Variants in ELOVL5 observed in about 807,000 individuals in gnomAD.
ELOVL5 encodes the protein ELOVL fatty acid elongase 5.
A neutral mutation model predicts 38.6 loss-of-function variants in ELOVL5; 8 were observed. That is an observed-to-expected ratio of 0.21 (90% CI 0.12 to 0.37). ELOVL5 has a LOEUF of 0.37. ELOVL5 is among the 10% of genes least tolerant of loss of function. The probability of loss-of-function intolerance (pLI) is 1.00; values close to 1 mark genes in which losing one functional copy is unlikely to be tolerated. For missense variants in ELOVL5, 280 were observed against 367.8 expected, an observed-to-expected ratio of 0.76 and a Z score of 1.95; for synonymous variants, 127 against 133.7, an observed-to-expected ratio of 0.95 and a Z score of 0.34.
intron 3 of ELOVL5, among the ~76,000 whole-genome samples, chr6:53,277,233 G>A (rs993643750): frequency 6.6e-6 from 1 of 151,800 alleles, no homozygotes. Context: ...GCAAAAAATG[G>A]GTGTAGCCGC....
At chr6:53,283,543 G>T (rs1029147547) in intron 3 of ELOVL5, among the ~76,000 whole-genome samples, 2 of 152,122 alleles carry the variant, frequency 1.3e-5, no homozygotes. Flanking sequence ...TATATCACTG[G>T]GGGGGACAAT....
intron 1 of ELOVL5, among the ~76,000 whole-genome samples, chr6:53,301,478 C>A (rs527990416): frequency 1.3e-5 from 2 of 152,226 alleles, no homozygotes; most frequent in African/African-American, 4.8e-5. Context: ...CTGGGAGTGG[C>A]CAGCACTTCC....
At chr6:53,313,757 C>T (rs1426020627) in intron 1 of ELOVL5, among the ~76,000 whole-genome samples, 1 of 152,194 alleles carries the variant, frequency 6.6e-6, no homozygotes, top group African/African-American at 2.4e-5. Context: ...ACTGTGCTTT[C>T]TTCCATCTTT....
chr6:53,281,354 A>C (rs1766344174), intron 3 of ELOVL5, among the ~76,000 whole-genome samples: 1 of 152,192 alleles, frequency 6.6e-6, no homozygotes, highest in Non-Finnish European at 1.5e-5. Context: ...GTGAGTCCTC[A>C]ACTGTGTATT....
At chr6:53,300,680 G>A (rs1767215101) in intron 1 of ELOVL5, among the ~76,000 whole-genome samples, 2 of 152,078 alleles carry the variant, frequency 1.3e-5, no homozygotes, top group Non-Finnish European at 1.5e-5. Flanking sequence ...GCATGCACAA[G>A]GACCAGAAGC....
chr6:53,326,064 G>A lies in ELOVL5; in HGVS notation c.-9+22753C>T, dbSNP rs149013437. 1.2e-3 allele frequency among the ~76,000 whole-genome samples: 180 copies of A among 152,286 alleles called. 2 individuals are homozygous for A. In the East Asian group the frequency reaches 0.019, roughly 16 times the overall value. ...ACAATGGTTGGTGGATAATTCAAGC[G>A]AAGGCACAGCATGAAGAGATATAGA... is the stretch of plus-strand genomic sequence containing the variant. On this transcript the variant is annotated intron_variant, in intron 1 of 7. Coordinates refer to ENST00000304434, the MANE Select transcript of ELOVL5 (RefSeq NM_021814.5).
intron 3 of ELOVL5, among the ~76,000 whole-genome samples, chr6:53,288,813 C>T (rs1766666494): frequency 6.6e-6 from 1 of 152,176 alleles, no homozygotes; most frequent in Admixed American, 6.5e-5. Context: ...TGTCTGTAAT[C>T]TCAGCACTTT....
chr6:53,289,184 A>C (rs1766682262), intron 3 of ELOVL5, among the ~76,000 whole-genome samples: 1 of 152,248 alleles, frequency 6.6e-6, no homozygotes, highest in South Asian at 2.1e-4. Context: ...AATACCAAAG[A>C]CTACTTATTT....
At chr6:53,298,905 G>GGT (rs1648609304) in intron 1 of ELOVL5, among the ~76,000 whole-genome samples, 3 of 149,602 alleles carry the variant, frequency 2.0e-5, no homozygotes, top group Admixed American at 6.7e-5. Flanking sequence ...CAAGGCGGGG[G>GGT]GGGGGAGTTG....
intron 1 of ELOVL5, among the ~76,000 whole-genome samples, chr6:53,315,984 T>C (rs1419838880): frequency 6.6e-6 from 1 of 152,222 alleles, no homozygotes; most frequent in Non-Finnish European, 1.5e-5. Context: ...TTGGGCAAGC[T>C]GCTAAAACTA....
intron 1 of ELOVL5, among the ~76,000 whole-genome samples, chr6:53,305,223 C>A (rs1209698988): frequency 6.7e-6 from 1 of 149,722 alleles, no homozygotes; most frequent in African/African-American, 2.5e-5. Flanking sequence ...ACCTCCCTCC[C>A]GGACGGGGCG....
chr6:53,329,384 T>C (rs1483343269), intron 1 of ELOVL5, among the ~76,000 whole-genome samples: 1 of 152,198 alleles, frequency 6.6e-6, no homozygotes, highest in African/African-American at 2.4e-5. Context: ...CAATTTAAAA[T>C]TGGTTTCTAA....
At chr6:53,294,609 A>ATTG (rs1219504064) in intron 2 of ELOVL5, 1 of 1,365,780 alleles carries the variant, frequency 7.3e-7, no homozygotes, top group Non-Finnish European at 9.6e-7. Flanking sequence ...TATTATTATT[A>ATTG]TTTTAGCCAT....
intron 1 of ELOVL5, among the ~76,000 whole-genome samples, chr6:53,347,274 T>C (rs1308483154): frequency 6.6e-6 from 1 of 152,126 alleles, no homozygotes; most frequent in Non-Finnish European, 1.5e-5. Flanking sequence ...AGTTAGAATC[T>C]AGGGTAAAAA....
Position 53,297,309 on chromosome 6 carries a change from A to G in ELOVL5, c.-8-1602T>C, listed in dbSNP as rs150651959. The stretch of plus-strand genomic sequence containing the variant: ...ATACAGTAGTCCCCTCTTAATCCAC[A>G]GTTTTGCTTTCTGAGATTTCAATTA... On this transcript the variant is annotated intron_variant, in intron 1 of 7. Transcript: ENST00000304434. Among the ~76,000 whole-genome samples the G allele has an allele frequency of 1.1e-3, 165 of 152,334 alleles. 3 individuals are homozygous for G. The highest frequency in any genetic ancestry group is 3.9e-3 in the African/African-American group (163 of 41,574).
At chr6:53,326,602 A>C (rs145902353) in intron 1 of ELOVL5, among the ~76,000 whole-genome samples, 36 of 152,230 alleles carry the variant, frequency 2.4e-4, no homozygotes, top group Non-Finnish European at 4.6e-4. Flanking sequence ...ATCTTCCCTG[A>C]TTCCTCCCGC....
At chr6:53,295,057 G>A (rs1236379116) in intron 2 of ELOVL5, among the ~76,000 whole-genome samples, 2 of 152,174 alleles carry the variant, frequency 1.3e-5, no homozygotes, top group African/African-American at 4.8e-5. Context: ...TAAAAATCAT[G>A]AGAAACTGAG....
chr6:53,299,260 A>T (rs192313541), intron 1 of ELOVL5, among the ~76,000 whole-genome samples: 7 of 152,366 alleles, frequency 4.6e-5, no homozygotes, highest in Middle Eastern at 3.4e-3. Context: ...AAACAGGAGG[A>T]ATATGTCTAA....
intron 1 of ELOVL5, among the ~76,000 whole-genome samples, 151 bp downstream of exon 1, chr6:53,348,666 C>T (rs577895176): frequency 6.6e-6 from 1 of 152,318 alleles, no homozygotes; most frequent in African/African-American, 2.4e-5. Context: ...AGGCCGCGGG[C>T]GGAGCGCGGG....
Sources: allele counts gnomAD v4.1 joint callset (sites outside exome capture counted in the v4.1 genomes callset), GRCh38; gene constraint gnomAD v4.1.1; transcripts MANE v1.5; gene names NCBI Gene and HGNC (gene_info 2026-07-23, HGNC 2026-07-21).